PMS1: variants seen among roughly 807,000 people sequenced by gnomAD.
The protein encoded by PMS1 is PMS1 homolog 1, mismatch repair system component.
In PMS1, 79 loss-of-function variants were observed where a neutral mutation model predicts 93.1. That is an observed-to-expected ratio of 0.85 (90% CI 0.71 to 1.02). PMS1 has a LOEUF of 1.02. PMS1 is among the 50% of genes least tolerant of loss of function. The pLI is 0.00. For synonymous variants in PMS1, 335 were observed against 363.4 expected (o/e 0.92, Z 0.89); for missense variants, 1,064 against 1,085.3 (o/e 0.98, Z 0.28).
intron 3 of PMS1, among the ~76,000 whole-genome samples, chr2:189,799,213 A>T (rs1026325699): frequency 6.6e-6 from 1 of 152,248 alleles, no homozygotes; most frequent in African/African-American, 2.4e-5. Flanking sequence ...GGAAAACTAT[A>T]AAGTTTTTAA....
intron 5 of PMS1, among the ~76,000 whole-genome samples, chr2:189,825,774 T>C (rs951340034): frequency 6.6e-6 from 1 of 152,222 alleles, no homozygotes; most frequent in Non-Finnish European, 1.5e-5. Flanking sequence ...AATGTTTTCC[T>C]TCCTATTCCC....
At chr2:189,856,566 T>C (rs2055360183) in intron 9 of PMS1, among the ~76,000 whole-genome samples, 1 of 152,126 alleles carries the variant, frequency 6.6e-6, no homozygotes, top group Non-Finnish European at 1.5e-5. Context: ...TTGTCTTTAG[T>C]TTTACCTAAA....
intron 5 of PMS1, among the ~76,000 whole-genome samples, chr2:189,839,441 T>C (rs939486437): frequency 1.3e-5 from 2 of 152,360 alleles, no homozygotes; most frequent in South Asian, 2.1e-4. Context: ...TAAGGGAAAC[T>C]ATAAACCCCT....
chr2:189,860,281 G>A (rs941572219), intron 9 of PMS1, among the ~76,000 whole-genome samples: 25 of 152,218 alleles, frequency 1.6e-4, no homozygotes, highest in African/African-American at 5.3e-4. Flanking sequence ...ACACTAGTTT[G>A]GTTTTGCCAG....
At chr2:189,858,846 C>CT (rs778687092) in intron 9 of PMS1, among the ~76,000 whole-genome samples, 1 of 151,942 alleles carries the variant, frequency 6.6e-6, no homozygotes, top group Non-Finnish European at 1.5e-5. Flanking sequence ...GAAATAAGGT[C>CT]TTTTTTTAAC....
chr2:189,795,301 A>G lies in PMS1; in HGVS notation c.133-468A>G, dbSNP rs181338610. On this transcript the variant is annotated intron_variant, in intron 2 of 12. Coordinates refer to ENST00000441310, the MANE Select transcript of PMS1 (RefSeq NM_000534.5). ...GAAAAGCAAAATAAGAAAACAAAAA[A>G]CAAAATAAATAAATAAAAATCAGGT... Among the ~76,000 whole-genome samples the G allele has an allele frequency of 1.3e-4, 20 of 152,346 alleles. No individual in the cohort carries two copies. In the East Asian group the frequency reaches 3.7e-3, roughly 28 times the overall value.
intron 7 of PMS1, among the ~76,000 whole-genome samples, chr2:189,853,395 T>C (rs946589624): frequency 1.3e-5 from 2 of 152,092 alleles, no homozygotes; most frequent in African/African-American, 4.8e-5. Flanking sequence ...TCCATGACAT[T>C]GTGATGTTTA....
intron 5 of PMS1, among the ~76,000 whole-genome samples, chr2:189,840,513 A>T (rs191917644): frequency 6.6e-6 from 1 of 152,350 alleles, no homozygotes. Context: ...ACTTAATTTA[A>T]CATACTTTAT....
intron 2 of PMS1, among the ~76,000 whole-genome samples, chr2:189,792,189 GT>G (rs1421964832): frequency 1.3e-5 from 2 of 152,090 alleles, no homozygotes; most frequent in African/African-American, 4.8e-5. Context: ...GACATCTAAT[GT>G]TTGTATTTTC....
At chr2:189,850,287 G>T (rs1465457177) in intron 6 of PMS1, among the ~76,000 whole-genome samples, 2 of 152,160 alleles carry the variant, frequency 1.3e-5, no homozygotes, top group Admixed American at 1.3e-4. Flanking sequence ...AAGGATTAGT[G>T]TTAGGAGACC....
chr2:189,869,371 T>G (rs1394909706), intron 11 of PMS1, among the ~76,000 whole-genome samples: 4 of 152,204 alleles, frequency 2.6e-5, no homozygotes, highest in Non-Finnish European at 5.9e-5. Flanking sequence ...CCTAGAAATA[T>G]TTCTTGCTCA....
rs760284046 is a variant in PMS1 at position 189,867,863 on chromosome 2, A to C, written c.2407A>C (p.Ser803Arg). 6.3e-7 allele frequency: 1 copy of C among 1,594,312 alleles called. No individual in the cohort carries two copies. Among genetic ancestry groups the C allele is most frequent in the South Asian group, 1.1e-5 (1 of 90,656 alleles). ...AATGACAGCAGATGACCAAAGATAC[A>C]GTGGATCAACTTACCTGTCTGATCC... is the stretch of plus-strand genomic sequence containing the variant. ...YKMTADDQRYSGSTYLSDPRL... is the reference protein window; with the variant it reads ...YKMTADDQRYRGSTYLSDPRL... Residue 803 changes from serine (S) to arginine (R), a missense_variant, in exon 11 of 13, where the codon AGT becomes CGT. Coordinates refer to ENST00000441310, the MANE Select transcript of PMS1 (RefSeq NM_000534.5).
At chr2:189,830,186 A>G (rs1339158072) in intron 5 of PMS1, among the ~76,000 whole-genome samples, 1 of 152,204 alleles carries the variant, frequency 6.6e-6, no homozygotes, top group Non-Finnish European at 1.5e-5. Context: ...ATGTAGCCAT[A>G]AACAATAATA....
intron 7 of PMS1, 63 bp from the exon 8 acceptor site, chr2:189,853,876 G>T: frequency 9.6e-7 from 1 of 1,039,780 alleles, no homozygotes; most frequent in South Asian, 1.5e-5. Flanking sequence ...TGAATTTGCT[G>T]GGTTTTATTG....
chr2:189,851,751 C>T (rs530283560), intron 6 of PMS1, among the ~76,000 whole-genome samples: 71 of 152,244 alleles, frequency 4.7e-4, no homozygotes, highest in African/African-American at 1.7e-3. Context: ...AGATTAATAA[C>T]ACATCTAGTT....
chr2:189,853,705 T>TG (rs544357811), intron 7 of PMS1, among the ~76,000 whole-genome samples: 92 of 151,650 alleles, frequency 6.1e-4, no homozygotes, highest in African/African-American at 2.0e-3. Context: ...TTAGTAGAGA[T>TG]GGGGTTTCAT....
chr2:189,828,292 A>G (rs929945696), intron 5 of PMS1, among the ~76,000 whole-genome samples: 5 of 152,190 alleles, frequency 3.3e-5, no homozygotes, highest in Non-Finnish European at 5.9e-5. Context: ...TGTATTGTGT[A>G]TTTCAAGATA....
At chr2:189,830,952 G>A (rs2052880135) in intron 5 of PMS1, among the ~76,000 whole-genome samples, 1 of 152,206 alleles carries the variant, frequency 6.6e-6, no homozygotes, top group Non-Finnish European at 1.5e-5. Context: ...GGTGAGCCTG[G>A]CCACTTGGTA....
intron 5 of PMS1, among the ~76,000 whole-genome samples, chr2:189,832,084 T>C (rs1410297111): frequency 2.6e-5 from 4 of 152,132 alleles, no homozygotes; most frequent in African/African-American, 9.7e-5. Context: ...GATGTTTGCC[T>C]GAACAAAATA....
Sources: gnomAD v4.1 joint callset for allele counts (sites outside exome capture counted in the v4.1 genomes callset) on GRCh38, gnomAD v4.1.1 for gene constraint, MANE v1.5 for transcripts, NCBI Gene and HGNC (gene_info 2026-07-23, HGNC 2026-07-21) for gene names.